DCTD: variants seen among roughly 807,000 people sequenced by gnomAD.
DCTD encodes the protein deoxycytidylate deaminase.
DCTD carries 23 observed loss-of-function variants against 21.0 expected under a neutral mutation model. The ratio of observed to expected loss-of-function variants is 1.09; its 90% CI spans 0.79 to 1.55. The LOEUF is 1.55. DCTD is among the 40% of genes most tolerant of loss of function. The pLI is 0.00. For synonymous variants in DCTD, 71 were observed against 81.1 expected (o/e 0.88, Z 0.67); for missense variants, 224 against 230.0 (o/e 0.97, Z 0.17).
At chr4:182,914,598 G>A (rs1034809554) in intron 3 of DCTD, among the ~76,000 whole-genome samples, 3 of 152,160 alleles carry the variant, frequency 2.0e-5, no homozygotes, top group Non-Finnish European at 4.4e-5. Flanking sequence ...TCTCTGCAAG[G>A]GGCTGTGACC....
rs1043970257 is a variant in DCTD at position 182,890,411 on chromosome 4, A to G, written c.*988T>C. ...GGGCACAGAAGAGCTCCGAACACCAACAGTGCTGCAGTAAGCTGTCTCCAC... is the reference window on the plus strand; with the variant it reads ...GGGCACAGAAGAGCTCCGAACACCAGCAGTGCTGCAGTAAGCTGTCTCCAC... On this transcript the variant is annotated 3_prime_UTR_variant, in exon 6 of 6. Coordinates refer to ENST00000438320, the MANE Select transcript of DCTD (RefSeq NM_001921.3). 2 of 152,264 alleles carry G rather than the reference A, an allele frequency of 1.3e-5. No individual in the cohort carries two copies. Among genetic ancestry groups the G allele is most frequent in the Non-Finnish European group, 2.9e-5 (2 of 68,046 alleles). 9.4% of individuals were successfully genotyped at this position (152,264 alleles called of 1,614,324 possible). A position where few individuals can be genotyped will look rare whatever the true frequency, so the allele number is the denominator to read the frequency against.
At chr4:182,915,228 G>A (rs1738511089) in intron 2 of DCTD, among the ~76,000 whole-genome samples, 170 bp from the exon 3 acceptor site, 1 of 152,222 alleles carries the variant, frequency 6.6e-6, no homozygotes, top group Non-Finnish European at 1.5e-5. Context: ...GCACCCACAA[G>A]CCAAGGAAAG....
At chr4:182,902,162 G>A (rs902807511) in intron 3 of DCTD, among the ~76,000 whole-genome samples, 2 of 152,096 alleles carry the variant, frequency 1.3e-5, no homozygotes, top group African/African-American at 2.4e-5. Context: ...TATCCTGCAC[G>A]TCAATAATTT....
chr4:182,894,703 A>G (rs1734423885), intron 3 of DCTD, 98 bp from the exon 4 acceptor site: 20 of 780,512 alleles, frequency 2.6e-5, no homozygotes, highest in South Asian at 2.5e-4. Flanking sequence ...GAAATAACAT[A>G]TAACAGACTC....
intron 2 of DCTD, 82 bp from the exon 3 acceptor site, chr4:182,915,140 A>G: frequency 6.4e-7 from 1 of 1,555,838 alleles, no homozygotes; most frequent in South Asian, 1.1e-5. Context: ...AACCAGGGGG[A>G]CTGCAGAACT....
chr4:182,897,514 A>G (rs1015956341), intron 3 of DCTD, among the ~76,000 whole-genome samples: 2 of 150,650 alleles, frequency 1.3e-5, no homozygotes, highest in Non-Finnish European at 3.0e-5. Context: ...ACCCATATAT[A>G]TATATATATA....
intron 3 of DCTD, among the ~76,000 whole-genome samples, chr4:182,896,179 T>C (rs1734697056): frequency 6.6e-6 from 1 of 152,214 alleles, no homozygotes; most frequent in South Asian, 2.1e-4. Context: ...CCGACTCACT[T>C]GCTTCATCGA....
chr4:182,911,398 T>C (rs955757235), intron 3 of DCTD: 1 of 152,182 alleles, frequency 6.6e-6, no homozygotes, highest in Non-Finnish European at 1.5e-5. Flanking sequence ...AATGTTACAG[T>C]GAGCCACGCA....
chr4:182,905,414 C>T (rs1187924370), intron 3 of DCTD, among the ~76,000 whole-genome samples: 2 of 151,092 alleles, frequency 1.3e-5, no homozygotes, highest in African/African-American at 2.4e-5. Context: ...CTGCAACCTC[C>T]GCCTCCCAGT....
In DCTD at chr4:182,890,437, G is replaced by A. The variant is rs949255173; in HGVS notation, c.*962C>T. 7 of 152,230 alleles carry A rather than the reference G, an allele frequency of 4.6e-5. No individual in the cohort carries two copies. Among genetic ancestry groups the A allele is most frequent in the Admixed American group, 1.3e-4 (2 of 15,282 alleles). The allele number at this position is 152,230 out of a possible 1,614,324, so 9.4% of individuals were successfully genotyped here. On this transcript the variant is annotated 3_prime_UTR_variant, in exon 6 of 6. Coordinates refer to ENST00000438320, the MANE Select transcript of DCTD (RefSeq NM_001921.3). ...CAGTGCTGCAGTAAGCTGTCTCCAC[G>A]TGGGTGGAATTTCTCACAATCCACT...
chr4:182,903,214 A>C (rs1251588370), intron 3 of DCTD, among the ~76,000 whole-genome samples: 1 of 152,132 alleles, frequency 6.6e-6, no homozygotes, highest in East Asian at 1.9e-4. Context: ...TTTCCTAAGA[A>C]AGACACTGGC....
At chr4:182,916,829 A>G in intron 1 of DCTD, 2 of 1,092,544 alleles carry the variant, frequency 1.8e-6, no homozygotes, top group Non-Finnish European at 2.3e-6. Flanking sequence ...CTGAACGCCC[A>G]CTAGAGCCCT....
In DCTD at chr4:182,894,489, C is replaced by T. The variant is rs1734361574; in HGVS notation, c.361G>A (p.Gly121Ser). The T allele has an allele frequency of 5.0e-6, 8 of 1,596,120 alleles. No individual in the cohort carries two copies. The highest frequency in any genetic ancestry group is 1.3e-5 in the African/African-American group (1 of 74,558). ...NECAKLIIQA[G>S]IKEVIFMSDK... ...ACAAATGGAAAGACCCGGTTCCTACCTGCCTGGATGATGAGCTTAGCGCAT... is the reference window on the plus strand; with the variant it reads ...ACAAATGGAAAGACCCGGTTCCTACTTGCCTGGATGATGAGCTTAGCGCAT... The change falls in exon 4 of 6, where the codon GGT becomes AGT. Residue 121 changes from glycine (G) to serine (S), a missense_variant and splice_region_variant. Physicochemically the swap from Gly to Ser is moderately conservative, Grantham distance 56 (BLOSUM62 0). Transcript: ENST00000438320.
At chr4:182,908,682 C>CAAAAAAAAAAAAAAA (rs34915632) in intron 3 of DCTD, among the ~76,000 whole-genome samples, 7 of 63,724 alleles carry the variant, frequency 1.1e-4, no homozygotes, top group Non-Finnish European at 1.8e-4. Context: ...GACTCTGTCT[C>CAAAAAAAAAAAAAAA]AAAAAAAAAA....
At chr4:182,900,970 C>T (rs894524972) in intron 3 of DCTD, among the ~76,000 whole-genome samples, 4 of 151,750 alleles carry the variant, frequency 2.6e-5, no homozygotes, top group Admixed American at 6.6e-5. Flanking sequence ...CAAATTCTCT[C>T]TTAGTAGGGC....
intron 2 of DCTD, among the ~76,000 whole-genome samples, 180 bp downstream of exon 2, chr4:182,915,281 T>C (rs1738522043): frequency 6.6e-6 from 1 of 152,210 alleles, no homozygotes; most frequent in African/African-American, 2.4e-5. Context: ...CAGTTAACAA[T>C]GGCATGTGAC....
At chr4:182,904,316 C>T (rs908602093) in intron 3 of DCTD, among the ~76,000 whole-genome samples, 9 of 152,194 alleles carry the variant, frequency 5.9e-5, no homozygotes, top group Admixed American at 1.3e-4. Context: ...AGCTGTACTG[C>T]ATCCACGGTA....
intron 3 of DCTD, among the ~76,000 whole-genome samples, chr4:182,908,165 C>G (rs1737051809): frequency 6.6e-6 from 1 of 151,976 alleles, no homozygotes; most frequent in Non-Finnish European, 1.5e-5. Context: ...TTTAATATAG[C>G]TGGTATTAAC....
At chr4:182,916,811 T>C (rs1738825807) in intron 1 of DCTD, 3 of 1,111,448 alleles carry the variant, frequency 2.7e-6, no homozygotes, top group Non-Finnish European at 3.4e-6. Flanking sequence ...CGCCTTCTCC[T>C]GGTGTGGCTG....
Sources: gnomAD v4.1 joint callset for allele counts (sites outside exome capture counted in the v4.1 genomes callset) on GRCh38, gnomAD v4.1.1 for gene constraint, MANE v1.5 for transcripts, NCBI Gene and HGNC (gene_info 2026-07-23, HGNC 2026-07-21) for gene names.